PDZRN4: variants seen among roughly 807,000 people sequenced by gnomAD.
PDZRN4 encodes the protein PDZ domain-containing RING finger protein 4.
In PDZRN4, 70 loss-of-function variants were observed where a neutral mutation model predicts 99.0. The ratio of observed to expected loss-of-function variants is 0.71; its 90% confidence interval spans 0.58 to 0.86. The LOEUF is 0.86. Among genes scored for constraint, PDZRN4 ranks in the 40% least tolerant of loss-of-function variants. The probability of loss-of-function intolerance (pLI) is 0.00; values close to 1 mark genes in which losing one functional copy is unlikely to be tolerated. For missense variants in PDZRN4, 1,474 were observed against 1,331.2 expected, an observed-to-expected ratio of 1.11 and a Z score of -1.67; for synonymous variants, 551 against 501.6, an observed-to-expected ratio of 1.10 and a Z score of -1.32.
chr12:41,434,480 C>A (rs1313454986), intron 3 of PDZRN4, among the ~76,000 whole-genome samples: 1 of 152,138 alleles, frequency 6.6e-6, no homozygotes, highest in East Asian at 1.9e-4. Flanking sequence ...ATCATTTAAT[C>A]TTCAATTATT....
chr12:41,437,922 G>GCT lies in PDZRN4; in HGVS notation c.844-68523_844-68522dup, dbSNP rs752678097. ...CAGTTCTGGGGAAATTAGAAGATTT[G>GCT]CTCTCTCTCTCTGCTTCTTAGAATG... On this transcript the variant is annotated intron_variant, in intron 3 of 9. Transcript: ENST00000402685. 2.0e-4 allele frequency: 325 copies of GCT among 1,611,938 alleles called. 2 individuals carry two copies. Among genetic ancestry groups the GCT allele is most frequent in the South Asian group, 7.0e-4 (64 of 90,970 alleles).
chr12:41,254,759 G>A (rs940796073), intron 3 of PDZRN4, among the ~76,000 whole-genome samples: 1 of 152,192 alleles, frequency 6.6e-6, no homozygotes, highest in Non-Finnish European at 1.5e-5. Context: ...CCATGCCCTT[G>A]GAAGTGGTGA....
At chr12:41,409,075 T>C (rs1952372604) in intron 3 of PDZRN4, among the ~76,000 whole-genome samples, 1 of 152,130 alleles carries the variant, frequency 6.6e-6, no homozygotes, top group African/African-American at 2.4e-5. Context: ...TTGATTATAT[T>C]TCTAAATGTA....
intron 5 of PDZRN4, among the ~76,000 whole-genome samples, chr12:41,538,491 T>G (rs923708010): frequency 6.6e-6 from 1 of 152,154 alleles, no homozygotes; most frequent in Admixed American, 6.5e-5. Flanking sequence ...ATTTCGATGA[T>G]CCATGTTTTT....
chr12:41,384,483 A>G (rs1952151531), intron 3 of PDZRN4, among the ~76,000 whole-genome samples: 2 of 152,186 alleles, frequency 1.3e-5, no homozygotes, highest in African/African-American at 4.8e-5. Context: ...AGAATTCAGT[A>G]GTGCTGGATT....
At chr12:41,432,446 C>A (rs1225306826) in intron 3 of PDZRN4, among the ~76,000 whole-genome samples, 1 of 152,170 alleles carries the variant, frequency 6.6e-6, no homozygotes, top group African/African-American at 2.4e-5. Context: ...ATGTGTGTTA[C>A]AAACATAAAT....
intron 3 of PDZRN4, among the ~76,000 whole-genome samples, chr12:41,360,752 A>G (rs1565562017): frequency 1.3e-5 from 2 of 152,040 alleles, no homozygotes; most frequent in East Asian, 1.9e-4. Flanking sequence ...TACCTTTTAT[A>G]TATTATAGAC....
chr12:41,249,408 A>C (rs546907546), intron 3 of PDZRN4, among the ~76,000 whole-genome samples: 3 of 152,180 alleles, frequency 2.0e-5, no homozygotes, highest in Non-Finnish European at 4.4e-5. Context: ...TTTTGGAGAA[A>C]ATAAATTAGT....
At chr12:41,384,897 G>A (rs951317846) in intron 3 of PDZRN4, among the ~76,000 whole-genome samples, 1 of 152,146 alleles carries the variant, frequency 6.6e-6, no homozygotes. Flanking sequence ...ATCCTGCCTG[G>A]TACTTGGCAG....
At chr12:41,411,573 T>C (rs1048672460) in intron 3 of PDZRN4, 1 of 152,200 alleles carries the variant, frequency 6.6e-6, no homozygotes, top group South Asian at 2.1e-4. Context: ...GCACAGATAT[T>C]GCATCCTGAG....
chr12:41,273,906 T>G (rs184623638), intron 3 of PDZRN4, among the ~76,000 whole-genome samples: 3 of 152,180 alleles, frequency 2.0e-5, no homozygotes, highest in Admixed American at 2.0e-4. Context: ...CCATTATCAT[T>G]TATCATTTTT....
At chr12:41,328,233 T>C (rs1951722106) in intron 3 of PDZRN4, among the ~76,000 whole-genome samples, 1 of 152,170 alleles carries the variant, frequency 6.6e-6, no homozygotes, top group South Asian at 2.1e-4. Flanking sequence ...TAAGATTGTT[T>C]GGGGGTTCTT....
At chr12:41,370,266 G>A (rs1481220390) in intron 3 of PDZRN4, among the ~76,000 whole-genome samples, 6 of 151,598 alleles carry the variant, frequency 4.0e-5, no homozygotes, top group East Asian at 3.9e-4. Flanking sequence ...TTTTCACCAC[G>A]GTTACATGAG....
At chr12:41,560,253 T>C (rs1047443433) in intron 7 of PDZRN4, among the ~76,000 whole-genome samples, 1 of 152,148 alleles carries the variant, frequency 6.6e-6, no homozygotes, top group East Asian at 1.9e-4. Flanking sequence ...AGAATTTGAG[T>C]TGCCCACCTA....
At chr12:41,406,858 C>CA (rs758320141) in intron 3 of PDZRN4, among the ~76,000 whole-genome samples, 4,245 of 46,310 alleles carry the variant, frequency 0.092, 225 homozygotes, top group African/African-American at 0.17. Context: ...AACTCCGTCT[C>CA]AAAAAAAAAA....
intron 3 of PDZRN4, among the ~76,000 whole-genome samples, chr12:41,467,803 A>C (rs1952943026): frequency 6.6e-6 from 1 of 152,240 alleles, no homozygotes; most frequent in Non-Finnish European, 1.5e-5. Flanking sequence ...CTGGCCAAGT[A>C]AAAGCTAATA....
At chr12:41,204,469 G>A (rs1950835325) in intron 3 of PDZRN4, among the ~76,000 whole-genome samples, 1 of 152,032 alleles carries the variant, frequency 6.6e-6, no homozygotes, top group Non-Finnish European at 1.5e-5. Flanking sequence ...CCAGTTTGGA[G>A]CCTGTATTAG....
chr12:41,326,153 T>TTTGCATTTA (rs1339931435), intron 3 of PDZRN4, among the ~76,000 whole-genome samples: 1 of 151,678 alleles, frequency 6.6e-6, no homozygotes, highest in East Asian at 1.9e-4. Context: ...TCGGCTAATT[T>TTTGCATTTA]TTTTTTTAGA....
chr12:41,508,703 C>T lies in PDZRN4; in HGVS notation c.1101-1108C>T, dbSNP rs1234416649. 2.6e-5 allele frequency among the ~76,000 whole-genome samples: 4 copies of T among 152,114 alleles called. No individual in the cohort carries two copies. The East Asian group carries it at 7.7e-4, about 29-fold the overall frequency. On this transcript the variant is annotated intron_variant, in intron 4 of 9. Coordinates refer to ENST00000402685, the MANE Select transcript of PDZRN4 (RefSeq NM_001164595.2). ...CAAGGTGCTGCCTGTATTACTTTTA[C>T]CATTTTGGCCTACACTAGTTAGACC...
Sources: gnomAD v4.1 joint callset for allele counts (sites outside exome capture counted in the v4.1 genomes callset) on GRCh38, gnomAD v4.1.1 for gene constraint, MANE v1.5 for transcripts, NCBI Gene and HGNC (gene_info 2026-07-23, HGNC 2026-07-21) for gene names.